Variants in GML observed in about 807,000 individuals in gnomAD.
GML encodes the protein glycosylphosphatidylinositol anchored molecule like.
A neutral mutation model predicts 8.2 loss-of-function variants in GML; 5 were observed. The ratio of observed to expected loss-of-function variants is 0.61; its 90% CI spans 0.32 to 1.28. The LOEUF (loss-of-function observed/expected upper bound fraction) is 1.28, where lower values mean the gene tolerates loss of function less well. Ranked by LOEUF, GML falls within the 50% of genes most tolerant of loss-of-function variation. GML has a pLI of 0.06. For synonymous variants in GML, 72 were observed against 69.0 expected (o/e 1.04, Z -0.22); for missense variants, 191 against 198.3 (o/e 0.96, Z 0.22).
intron 3 of GML, among the ~76,000 whole-genome samples, chr8:142,843,473 C>G (rs1816465591): frequency 6.6e-6 from 1 of 152,136 alleles, no homozygotes; most frequent in Admixed American, 6.5e-5. Flanking sequence ...AAATGTCTAC[C>G]ATCACCACTT....
At chr8:142,843,330 C>T (rs1179429812) in intron 3 of GML, among the ~76,000 whole-genome samples, 2 of 149,308 alleles carry the variant, frequency 1.3e-5, no homozygotes, top group African/African-American at 5.0e-5. Flanking sequence ...GATTCAATAA[C>T]AGAATTGCAA....
chr8:142,840,568 G>T, intron 2 of GML, 58 bp downstream of exon 2: 2 of 1,223,998 alleles, frequency 1.6e-6, no homozygotes, highest in Non-Finnish European at 2.4e-6. Context: ...TGGGGTGCTG[G>T]GGGTCACTGG....
At chr8:142,836,931 C>T (rs370445758) in intron 1 of GML, among the ~76,000 whole-genome samples, 3 of 152,244 alleles carry the variant, frequency 2.0e-5, no homozygotes, top group South Asian at 2.1e-4. Flanking sequence ...TCTTTTCTTT[C>T]GGAGGAAATA....
At chr8:142,836,590 T>C (rs1333558904) in intron 1 of GML, among the ~76,000 whole-genome samples, 1 of 152,246 alleles carries the variant, frequency 6.6e-6, no homozygotes, top group Non-Finnish European at 1.5e-5. Context: ...TTATTCCTAA[T>C]TCTTACATAT....
chr8:142,840,111 C>T (rs1227285604), intron 1 of GML, among the ~76,000 whole-genome samples: 1 of 152,228 alleles, frequency 6.6e-6, no homozygotes, highest in Non-Finnish European at 1.5e-5. Context: ...CCAGCAGATA[C>T]AGAAACATAT....
At chr8:142,835,278 CT>C (rs1586541598) in intron 1 of GML, among the ~76,000 whole-genome samples, 1 of 124,238 alleles carries the variant, frequency 8.0e-6, no homozygotes, top group East Asian at 3.0e-4. Flanking sequence ...CTCCGCTTCC[CT>C]GGGGCCCCCC....
At chr8:142,838,455 T>C (rs1181203761) in intron 1 of GML, among the ~76,000 whole-genome samples, 5 of 152,188 alleles carry the variant, frequency 3.3e-5, no homozygotes, top group Non-Finnish European at 7.3e-5. Context: ...AGTGATGGTT[T>C]CTGTTGGCTT....
rs1404118140 is a variant in GML, at chr8:142,835,153, C to T, written c.-23+285C>T. On this transcript the variant is annotated intron_variant, in intron 1 of 3. Transcript: ENST00000220940. Reference sequence around the variant, plus strand: ...CCCCTCAGGGTCCCAGGGAGACCCCCTAATTCAGCTCCTCTCAGGGGTACT... The same window carrying T: ...CCCCTCAGGGTCCCAGGGAGACCCCTTAATTCAGCTCCTCTCAGGGGTACT... Among the ~76,000 whole-genome samples, 2 of 151,908 alleles carry T rather than the reference C, an allele frequency of 1.3e-5. 1 individual carries two copies. The highest frequency in any genetic ancestry group is 4.2e-4 in the South Asian group (2 of 4,816).
Position 142,840,422 on chromosome 8 carries a change from GCTC to G in GML, c.-13_-11del, listed in dbSNP as rs1006413635. 4 of 1,608,430 alleles carry G rather than the reference GCTC, an allele frequency of 2.5e-6. No homozygotes were observed. The highest frequency in any genetic ancestry group is 3.4e-6 in the Non-Finnish European group (4 of 1,174,924). On this transcript the variant is annotated 5_prime_UTR_variant, in exon 2 of 4. Transcript: ENST00000220940. ...TGGGGCTCCTTCCCTTCAGGTCCAG[GCTC>G]CTGCGTGAAGTGATGCTCCTCTTTG...
chr8:142,840,856 G>A (rs897661637), intron 2 of GML, among the ~76,000 whole-genome samples: 1 of 152,178 alleles, frequency 6.6e-6, no homozygotes, highest in South Asian at 2.1e-4. Flanking sequence ...GCAGAGCATA[G>A]CAATCCCGTA....
rs186330766 is a variant in GML at position 142,840,563 on chromosome 8, T to C, written c.73+53T>C. 3.6e-4 allele frequency: 462 copies of C among 1,295,178 alleles called. 4 individuals are homozygous for C. The East Asian group carries it at 8.5e-3, about 24-fold the overall frequency. The allele number at this position is 1,295,178 out of a possible 1,614,324, so 80.2% of individuals were successfully genotyped here. A position where few individuals can be genotyped will look rare whatever the true frequency, so the allele number is the denominator to read the frequency against. On this transcript the variant is annotated intron_variant, in intron 2 of 3. Coordinates refer to ENST00000220940, the MANE Select transcript of GML (RefSeq NM_002066.3). ...GGAGAGGACGAGAATTCACCTGGGG[T>C]GCTGGGGGTCACTGGGATGATTGGC...
intron 2 of GML, 49 bp from the exon 3 acceptor site, chr8:142,841,068 GA>G: frequency 7.7e-6 from 7 of 904,120 alleles, no homozygotes; most frequent in East Asian, 2.4e-5. Context: ...GTAATGGGTG[GA>G]AAAGGCGTAG....
intron 3 of GML, among the ~76,000 whole-genome samples, chr8:142,843,201 C>T (rs979189892): frequency 6.6e-6 from 1 of 150,804 alleles, no homozygotes; most frequent in Non-Finnish European, 1.5e-5. Context: ...GAACTCTGCA[C>T]TATCTCTGCA....
chr8:142,841,177 AT>A lies in GML; in HGVS notation c.135del (p.Arg46GlufsTer11). On this transcript the variant is annotated frameshift_variant, in exon 3 of 4. Coordinates refer to ENST00000220940, the MANE Select transcript of GML (RefSeq NM_002066.3). LOFTEE classifies it low-confidence loss of function (END_TRUNC). ...CATAAATGACTTCAACTGTCCCAACATTAGAGTATGTCCGTATCATATTAGG... is the reference window on the plus strand; with the variant it reads ...CATAAATGACTTCAACTGTCCCAACATAGAGTATGTCCGTATCATATTAGG... ...AVINDFNCPN[I>X]RVCPYHIRRC... The A allele has an allele frequency of 6.3e-7, 1 of 1,585,050 alleles. No homozygotes were observed.
intron 1 of GML, among the ~76,000 whole-genome samples, chr8:142,835,279 T>A (rs1168980826): frequency 6.6e-6 from 1 of 151,354 alleles, no homozygotes; most frequent in African/African-American, 2.4e-5. Flanking sequence ...TCCGCTTCCC[T>A]GGGGCCCCCC....
intron 1 of GML, among the ~76,000 whole-genome samples, chr8:142,838,297 T>C (rs545874819): frequency 1.3e-5 from 2 of 152,328 alleles, no homozygotes; most frequent in Non-Finnish European, 2.9e-5. Flanking sequence ...TGGGAATTCC[T>C]TGGGAGTCTA....
chr8:142,835,390 ACTGT>A (rs1391318587), intron 1 of GML, among the ~76,000 whole-genome samples: 1 of 151,408 alleles, frequency 6.6e-6, no homozygotes, highest in Non-Finnish European at 1.5e-5. Flanking sequence ...CCACCCCCAC[ACTGT>A]CTGTGATTCC....
chr8:142,845,483 G>A lies in GML; in HGVS notation c.182-912G>A, dbSNP rs79674738. ...ATAACAGAAAACAAGTGACTGGTTC[G>A]TATTCATCATTTGTTTCTGGTGTTA... On this transcript the variant is annotated intron_variant, in intron 3 of 3. Transcript: ENST00000220940. Among the ~76,000 whole-genome samples, 27 of 152,298 alleles carry A rather than the reference G, an allele frequency of 1.8e-4. No homozygotes were observed. In the East Asian group the frequency reaches 4.2e-3, roughly 24 times the overall value.
At chr8:142,837,727 C>T (rs1034305960) in intron 1 of GML, among the ~76,000 whole-genome samples, 1 of 145,494 alleles carries the variant, frequency 6.9e-6, no homozygotes, top group Non-Finnish European at 1.5e-5. Flanking sequence ...CCTGTTCCAT[C>T]GGGGCCACTG....
Sources: allele counts gnomAD v4.1 joint callset (sites outside exome capture counted in the v4.1 genomes callset), GRCh38; gene constraint gnomAD v4.1.1; transcripts MANE v1.5; gene names NCBI Gene and HGNC (gene_info 2026-07-23, HGNC 2026-07-21).